C3orf49: variants seen among roughly 807,000 people sequenced by gnomAD.
C3orf49 encodes putative uncharacterized protein C3orf49.
A neutral mutation model predicts 13.3 loss-of-function variants in C3orf49; 27 were observed. The observed-to-expected ratio is 2.02, with a 90% CI of 1.49 to 2.79. C3orf49 has a LOEUF of 2.79. Ranked by LOEUF, C3orf49 falls within the 30% of genes most tolerant of loss-of-function variation. The pLI, the probability that C3orf49 is intolerant of heterozygous loss-of-function variation, is 0.00. For missense variants in C3orf49, 242 were observed against 134.2 expected (o/e 1.80, Z -3.97); for synonymous variants, 87 against 47.6 (o/e 1.83, Z -3.40).
At chr3:63,782,315 G>A in the C3orf49 span, 13 of 151,782 alleles carry the variant, frequency 8.6e-5, no homozygotes, top group Admixed American at 1.3e-4. Flanking sequence ...CATCTTACTC[G>A]TTTATTTTCC....
At chr3:63,833,935 T>A (rs917720198) in intron 5 of C3orf49, 14 of 496,652 alleles carry the variant, frequency 2.8e-5, no homozygotes, top group Non-Finnish European at 4.9e-5. Context: ...GAATAAAAAA[T>A]GCATTTTAAT....
the C3orf49 span, among the ~76,000 whole-genome samples, chr3:63,789,656 C>G: frequency 2.0e-5 from 3 of 151,666 alleles, no homozygotes; most frequent in African/African-American, 7.3e-5. Flanking sequence ...ACTAAAAATA[C>G]AAAAATTAAC....
At chr3:63,803,721 T>G in the C3orf49 span, among the ~76,000 whole-genome samples, 2 of 152,094 alleles carry the variant, frequency 1.3e-5, no homozygotes, top group Non-Finnish European at 2.9e-5. Context: ...ATAACAGCAG[T>G]CCCCAACCTT....
the C3orf49 span, among the ~76,000 whole-genome samples, chr3:63,809,319 A>G: frequency 6.6e-6 from 1 of 152,262 alleles, no homozygotes; most frequent in African/African-American, 2.4e-5. Flanking sequence ...GACCCATGTC[A>G]GAACTTTTAA....
the C3orf49 span, among the ~76,000 whole-genome samples, chr3:63,806,606 A>G: frequency 6.6e-6 from 1 of 152,178 alleles, no homozygotes; most frequent in Admixed American, 6.5e-5. Context: ...CTCTGGCCTC[A>G]TCTTTCCATA....
At chr3:63,781,104 A>C in the C3orf49 span, among the ~76,000 whole-genome samples, 47 of 151,192 alleles carry the variant, frequency 3.1e-4, no homozygotes, top group South Asian at 3.2e-3. Flanking sequence ...GTTTTCTTCT[A>C]GGGTTTTTAT....
chr3:63,813,566 G>C, the C3orf49 span, among the ~76,000 whole-genome samples: 1 of 148,724 alleles, frequency 6.7e-6, no homozygotes, highest in African/African-American at 2.6e-5. Context: ...ATGAAAAAAA[G>C]GCATGATTTA....
intron 3 of C3orf49, among the ~76,000 whole-genome samples, chr3:63,828,520 G>A (rs1326203967): frequency 2.6e-5 from 4 of 152,058 alleles, no homozygotes; most frequent in South Asian, 2.1e-4. Context: ...GGCTGGTCTC[G>A]AACTCCTGGC....
At chr3:63,797,497 T>G in the C3orf49 span, among the ~76,000 whole-genome samples, 6 of 152,080 alleles carry the variant, frequency 3.9e-5, no homozygotes, top group African/African-American at 1.4e-4. Flanking sequence ...CGGTAAAACT[T>G]ACAAAAGTGT....
the C3orf49 span, among the ~76,000 whole-genome samples, chr3:63,781,710 T>C: frequency 6.6e-6 from 1 of 152,116 alleles, no homozygotes; most frequent in Non-Finnish European, 1.5e-5. Context: ...TTCTACACCT[T>C]ATGGTGGCAG....
At chr3:63,834,290 G>C (rs1237163000) in intron 5 of C3orf49, 41 of 1,262,858 alleles carry the variant, frequency 3.2e-5, no homozygotes, top group Admixed American at 1.9e-4. Context: ...TCCTTTATTA[G>C]CCAATACAAT....
At chr3:63,789,675 G>A in the C3orf49 span, among the ~76,000 whole-genome samples, 84 of 151,984 alleles carry the variant, frequency 5.5e-4, no homozygotes, top group African/African-American at 1.8e-3. Flanking sequence ...ACCGGGTATG[G>A]TAGTGCACAC....
chr3:63,836,874 T>C (rs188400763), intron 5 of C3orf49, among the ~76,000 whole-genome samples: 4 of 152,056 alleles, frequency 2.6e-5, no homozygotes, highest in East Asian at 1.9e-4. Context: ...AGATAAGTCA[T>C]GTAACTCCTG....
chr3:63,786,554 A>T, the C3orf49 span, among the ~76,000 whole-genome samples: 1 of 152,186 alleles, frequency 6.6e-6, no homozygotes, highest in Non-Finnish European at 1.5e-5. Flanking sequence ...TCGTGGAGCT[A>T]AAGAAGGAAA....
At chr3:63,803,858 A>G in the C3orf49 span, among the ~76,000 whole-genome samples, 1 of 152,068 alleles carries the variant, frequency 6.6e-6, no homozygotes, top group South Asian at 2.1e-4. Context: ...ATTACATTGT[A>G]ATATATAATA....
chr3:63,796,451 A>C, the C3orf49 span, among the ~76,000 whole-genome samples: 4 of 152,226 alleles, frequency 2.6e-5, no homozygotes, highest in South Asian at 8.3e-4. Flanking sequence ...TACATCTCCA[A>C]TGTCTTCTTT....
Position 63,829,981 on chromosome 3 carries a change from A to G in C3orf49, c.571-1129A>G, listed in dbSNP as rs576255707. On this transcript the variant is annotated intron_variant, in intron 3 of 6. Coordinates refer to ENST00000295896, the MANE Select transcript of C3orf49 (RefSeq NM_001355236.2). ...ACCTCATCTTAAAATATATATATGT[A>G]TTTGAATTAATTGTCTACGTTTAGA... Among the ~76,000 whole-genome samples, 4 of 152,252 alleles carry G rather than the reference A, an allele frequency of 2.6e-5. No homozygotes were observed. The South Asian group carries it at 8.3e-4, about 32-fold the overall frequency.
chr3:63,783,049 ATGAATGT>A, the C3orf49 span: 1 of 152,158 alleles, frequency 6.6e-6, no homozygotes, highest in Non-Finnish European at 1.5e-5. Flanking sequence ...TAATTGAAAG[ATGAATGT>A]TCATATCCAT....
chr3:63,842,753 T>C (rs1575806631), intron 5 of C3orf49, among the ~76,000 whole-genome samples: 1 of 151,922 alleles, frequency 6.6e-6, no homozygotes, highest in Non-Finnish European at 1.5e-5. Flanking sequence ...GTACACTGGG[T>C]ATAAGTACAC....
Sources: gnomAD v4.1 joint callset for allele counts (sites outside exome capture counted in the v4.1 genomes callset) on GRCh38, gnomAD v4.1.1 for gene constraint, MANE v1.5 for transcripts, NCBI Gene and HGNC (gene_info 2026-07-23, HGNC 2026-07-21) for gene names.